The following LARP7 variants were observed in gnomAD, a reference collection of about 807,000 sequenced individuals.
LARP7 encodes La ribonucleoprotein 7, transcriptional regulator.
A neutral mutation model predicts 69.3 loss-of-function variants in LARP7; 52 were observed. The observed-to-expected ratio is 0.75, with a 90% CI of 0.60 to 0.95. The LOEUF is 0.95. Ranked by LOEUF, LARP7 falls within the 40% of genes least tolerant of loss-of-function variation. The pLI is 0.00. For missense variants in LARP7, 733 were observed against 673.0 expected, an observed-to-expected ratio of 1.09 and a Z score of -0.99; for synonymous variants, 254 against 215.9, an observed-to-expected ratio of 1.18 and a Z score of -1.55.
rs755583413 is a variant in LARP7 at position 112,646,445 on chromosome 4, TGTAGAG to T, written c.301_303+3del. 3 of 1,580,054 alleles carry T rather than the reference TGTAGAG, an allele frequency of 1.9e-6. No individual in the cohort carries two copies. The highest frequency in any genetic ancestry group is 2.6e-6 in the Non-Finnish European group (3 of 1,152,524). ...CCAGAGCATTGAGAAGTTCAGCTGTTGTAGAGGTAAGAATCAAGAATAACTACTGTT... is the reference window on the plus strand; with the variant it reads ...CCAGAGCATTGAGAAGTTCAGCTGTTGTAAGAATCAAGAATAACTACTGTT... On this transcript the variant is annotated inframe_deletion and splice_region_variant, in exon 3 of 13. Coordinates refer to ENST00000344442, the MANE Select transcript of LARP7 (RefSeq NM_016648.4).
In LARP7 at chr4:112,647,513, A is replaced by G; in HGVS notation, c.961A>G (p.Ile321Val). 6.2e-7 allele frequency: 1 copy of G among 1,612,474 alleles called. No homozygotes were observed. The highest frequency in any genetic ancestry group is 8.5e-7 in the Non-Finnish European group (1 of 1,179,372). ...AAAGAAAATTATTCAGAAAGACATCATTAAGGAAGCATCAGAAGCTTCCAA... is the reference window on the plus strand; with the variant it reads ...AAAGAAAATTATTCAGAAAGACATCGTTAAGGAAGCATCAGAAGCTTCCAA... ...KVKKIIQKDIIKEASEASKEN... is the reference protein window; with the variant it reads ...KVKKIIQKDIVKEASEASKEN... Residue 321 changes from isoleucine (I) to valine (V), a missense_variant, in exon 7 of 13, where the codon ATT becomes GTT. Transcript: ENST00000344442.
rs2047891748 is a variant in LARP7, at chr4:112,639,877, A to C, written c.-3+2638A>C. ...ATAATTATCAATAATTTATAATTAT[A>C]GATTATCAATTATAGAATTATAATT... On this transcript the variant is annotated intron_variant, in intron 1 of 12. Coordinates refer to ENST00000344442, the MANE Select transcript of LARP7 (RefSeq NM_016648.4). Among the ~76,000 whole-genome samples, 4 of 152,252 alleles carry C rather than the reference A, an allele frequency of 2.6e-5. No individual in the cohort carries two copies. The South Asian group carries it at 8.3e-4, about 32-fold the overall frequency.
In LARP7 at chr4:112,646,366, T is replaced by A; in HGVS notation, c.218T>A (p.Leu73Gln). The change falls in exon 3 of 13, where the codon CTA (leucine) becomes CAA (glutamine). Residue 73 changes from leucine (L) to glutamine (Q), a missense_variant. Leu to Gln is a moderately radical substitution (Grantham distance 113). Transcript: ENST00000344442. Reference protein sequence around the residue: ...KSRDGYVDISLLVSFNKMKKL... With the variant: ...KSRDGYVDISQLVSFNKMKKL... The stretch of plus-strand genomic sequence containing the variant: ...TTTTCTTTAGATGTTGATATATCAC[T>A]ACTTGTGTCTTTTAACAAAATGAAA... 3 of 1,519,510 alleles carry A rather than the reference T, an allele frequency of 2.0e-6. No homozygotes were observed. The highest frequency in any genetic ancestry group is 2.7e-6 in the Non-Finnish European group (3 of 1,098,728). The allele number at this position is 1,519,510 out of a possible 1,614,324, so 94.1% of individuals were successfully genotyped here.
chr4:112,640,556 A>G (rs979497168), intron 1 of LARP7, among the ~76,000 whole-genome samples: 9 of 152,116 alleles, frequency 5.9e-5, no homozygotes, highest in Admixed American at 3.9e-4. Flanking sequence ...AAAAATTAGC[A>G]GGGTGTGGTG....
intron 1 of LARP7, among the ~76,000 whole-genome samples, chr4:112,640,370 A>G (rs991910902): frequency 1.3e-5 from 2 of 152,200 alleles, no homozygotes; most frequent in Non-Finnish European, 2.9e-5. Flanking sequence ...TCCTGCCTTC[A>G]TAGTGTCTAC....
Position 112,647,201 on chromosome 4 carries a change from G to C in LARP7, c.649G>C (p.Glu217Gln), listed in dbSNP as rs756794031. 1 of 1,588,486 alleles carries C rather than the reference G, an allele frequency of 6.3e-7. No individual in the cohort carries two copies. The highest frequency in any genetic ancestry group is 8.5e-7 in the Non-Finnish European group (1 of 1,173,090). ...TAATAATGATGGCACTTTTACAGAA[G>C]AGAAGAAAAAGAAAAAGAAGAAGAA... ...KPIPALRVVEEKKKKKKKKGR... is the reference protein window; with the variant it reads ...KPIPALRVVEQKKKKKKKKGR... The change falls in exon 7 of 13, where the codon GAG becomes CAG. Residue 217 changes from glutamate (E) to glutamine (Q), a missense_variant and splice_region_variant. Physicochemically the swap from Glu to Gln is conservative, Grantham distance 29 (BLOSUM62 2). Transcript: ENST00000344442.
At chr4:112,656,276 T>G (rs1442713732) in intron 12 of LARP7, among the ~76,000 whole-genome samples, 3 of 152,058 alleles carry the variant, frequency 2.0e-5, no homozygotes, top group Admixed American at 6.5e-5. Flanking sequence ...CACGCACATG[T>G]AATCCCAGCT....
Position 112,650,445 on chromosome 4 carries a change from T to G in LARP7, c.1295-16T>G, listed in dbSNP as rs376542031. The G allele has an allele frequency of 3.7e-6, 6 of 1,613,256 alleles. No homozygotes were observed. In the African/African-American group the frequency reaches 5.3e-5, roughly 14 times the overall value. On this transcript the variant is annotated splice_polypyrimidine_tract_variant and intron_variant, in intron 9 of 12. Transcript: ENST00000344442. ...TGTAAGAGATTTAGTCCTGGTCTTT[T>G]TCCTTTTCTAATCAGCAGCCAACAG...
chr4:112,646,892 A>C lies in LARP7; in HGVS notation c.489A>C (p.Gly163=). Residue 163 remains glycine, a synonymous_variant, in exon 5 of 13, where the codon GGA becomes GGC. Coordinates refer to ENST00000344442, the MANE Select transcript of LARP7 (RefSeq NM_016648.4). ...GTATACCACATTATAAGTCTACTGG[A>C]GATCCAAAGGGATTTGCGTTTGTGG... The part of the protein sequence containing the change: ...YISIPHYKST[G]DPKGFAFVEF... 1 of 1,610,082 alleles carries C rather than the reference A, an allele frequency of 6.2e-7. No individual in the cohort carries two copies. The highest frequency in any genetic ancestry group is 8.5e-7 in the Non-Finnish European group (1 of 1,179,286).
intron 3 of LARP7, 37 bp from the exon 4 acceptor site, chr4:112,646,551 A>G: frequency 7.6e-7 from 1 of 1,307,776 alleles, no homozygotes; most frequent in Non-Finnish European, 1.0e-6. Flanking sequence ...AATTATAAAT[A>G]ATATTAGTTT....
chr4:112,644,794 T>C lies in LARP7; in HGVS notation c.125T>C (p.Val42Ala). 1 of 1,609,350 alleles carries C rather than the reference T, an allele frequency of 6.2e-7. No homozygotes were observed. Residue 42 changes from valine to alanine, a missense_variant, in exon 2 of 13, where the codon GTG (valine) becomes GCG (alanine). By Grantham distance (64) the Val-to-Ala change is moderately conservative. Coordinates refer to ENST00000344442, the MANE Select transcript of LARP7 (RefSeq NM_016648.4). ...KQVLADIAKQVDFWFGDANLH... is the reference protein window; with the variant it reads ...KQVLADIAKQADFWFGDANLH... ...GTGCTTGCAGATATTGCTAAGCAAG[T>C]GGACTTCTGGTTTGGGGATGCAAAT...
chr4:112,647,355 C>T lies in LARP7; in HGVS notation c.803C>T (p.Pro268Leu). The T allele has an allele frequency of 6.2e-7, 1 of 1,613,940 alleles. No individual in the cohort carries two copies. Among genetic ancestry groups the T allele is most frequent in the Non-Finnish European group, 8.5e-7 (1 of 1,179,986 alleles). ...GGCTCTGACATTGAGTCCACTGAAC[C>T]CCAAAAGCAGTGCTCAAAGAAAAAG... ...SEGSDIESTE[P>L]QKQCSKKKKK... Residue 268 changes from proline (P) to leucine (L), a missense_variant, in exon 7 of 13, where the codon CCC becomes CTC. Physicochemically the swap from Pro to Leu is moderately conservative, Grantham distance 98. Coordinates refer to ENST00000344442, the MANE Select transcript of LARP7 (RefSeq NM_016648.4).
At chr4:112,643,109 A>G (rs967256034) in intron 1 of LARP7, among the ~76,000 whole-genome samples, 1 of 152,252 alleles carries the variant, frequency 6.6e-6, no homozygotes, top group African/African-American at 2.4e-5. Context: ...ACAATATATC[A>G]GTAAACAAAC....
rs1560934176 is a variant in LARP7, at chr4:112,647,390, G to A, written c.838G>A (p.Asp280Asn). Residue 280 changes from aspartate to asparagine, a missense_variant, in exon 7 of 13, where the codon GAC (aspartate) becomes AAC (asparagine). Coordinates refer to ENST00000344442, the MANE Select transcript of LARP7 (RefSeq NM_016648.4). The part of the protein sequence containing the change: ...KQCSKKKKKR[D>N]RVEASSLPEV... ...GTGCTCAAAGAAAAAGAAAAAACGG[G>A]ACAGAGTTGAAGCATCTAGCTTACC... is the stretch of plus-strand genomic sequence containing the variant. 6.2e-7 allele frequency: 1 copy of A among 1,614,020 alleles called. No homozygotes were observed. The highest frequency in any genetic ancestry group is 8.5e-7 in the Non-Finnish European group (1 of 1,180,004).
Position 112,657,370 on chromosome 4 carries a change from A to G in LARP7, c.*43A>G. The G allele has an allele frequency of 9.4e-7, 1 of 1,059,732 alleles. No homozygotes were observed. The highest frequency in any genetic ancestry group is 1.4e-6 in the Non-Finnish European group (1 of 729,752). The allele number at this position is 1,059,732 out of a possible 1,614,324, so 65.6% of individuals were successfully genotyped here. A position where few individuals can be genotyped will look rare whatever the true frequency, so the allele number is the denominator to read the frequency against. ...CTCTTAATACTTCACAAGATACTTGAGCTGTTCTTGGGAGATTCACTTTTA... is the reference window on the plus strand; with the variant it reads ...CTCTTAATACTTCACAAGATACTTGGGCTGTTCTTGGGAGATTCACTTTTA... On this transcript the variant is annotated 3_prime_UTR_variant, in exon 13 of 13. Coordinates refer to ENST00000344442, the MANE Select transcript of LARP7 (RefSeq NM_016648.4).
rs911012184 is a variant in LARP7 at position 112,644,401 on chromosome 4, G to A, written c.-2-267G>A. 50 of 807,162 alleles carry A rather than the reference G, an allele frequency of 6.2e-5. No homozygotes were observed. In the African/African-American group the frequency reaches 8.3e-4, roughly 13 times the overall value. The allele number at this position is 807,162 out of a possible 1,614,324, so 50.0% of individuals were successfully genotyped here. On this transcript the variant is annotated intron_variant, in intron 1 of 12. Coordinates refer to ENST00000344442, the MANE Select transcript of LARP7 (RefSeq NM_016648.4). ...AAAAGTGCAGCTTAGTGAGATAAAGGTGTAATTTTTTATATTATTCTAGGA... is the reference window on the plus strand; with the variant it reads ...AAAAGTGCAGCTTAGTGAGATAAAGATGTAATTTTTTATATTATTCTAGGA...
chr4:112,656,708 A>G lies in LARP7; in HGVS notation c.1669-539A>G, dbSNP rs539672959. On this transcript the variant is annotated intron_variant, in intron 12 of 12. Transcript: ENST00000344442. ...ATTTGTGAACAGCAGCATGGGTATG[A>G]TAGAGTTCTAAACATCTTTGGATTT... is the stretch of plus-strand genomic sequence containing the variant. Among the ~76,000 whole-genome samples the G allele has an allele frequency of 1.1e-4, 17 of 152,368 alleles. No individual in the cohort carries two copies. The East Asian group carries it at 3.3e-3, about 29-fold the overall frequency.
At chr4:112,644,638 A>G in intron 1 of LARP7, 30 bp from the exon 2 acceptor site, 2 of 1,504,340 alleles carry the variant, frequency 1.3e-6, no homozygotes, top group African/African-American at 1.4e-5. Flanking sequence ...GGTGATTTAA[A>G]TATTTACATC....
intron 9 of LARP7, 47 bp from the exon 10 acceptor site, chr4:112,650,414 G>T: frequency 6.3e-7 from 1 of 1,598,074 alleles, no homozygotes. Context: ...TTAAATTGTT[G>T]TTAAGTGTAA....
Sources: allele counts gnomAD v4.1 joint callset (sites outside exome capture counted in the v4.1 genomes callset), GRCh38; gene constraint gnomAD v4.1.1; transcripts MANE v1.5; gene names NCBI Gene and HGNC (gene_info 2026-07-23, HGNC 2026-07-21).